The following TTN variants were observed in gnomAD, a reference collection of about 807,000 sequenced individuals.
The protein encoded by TTN is connectin.
A neutral mutation model predicts 3,223.0 loss-of-function variants in TTN; 1,525 were observed. The ratio of observed to expected loss-of-function variants is 0.47; its 90% CI spans 0.45 to 0.49. TTN has a LOEUF of 0.49. TTN is among the 20% of genes least tolerant of loss of function. TTN has a pLI of 0.00. For synonymous variants in TTN, 14,094 were observed against 15,161.0 expected, an observed-to-expected ratio of 0.93 and a Z score of 5.17; for missense variants, 40,786 against 43,424.0, an observed-to-expected ratio of 0.94 and a Z score of 5.40.
At position 178,775,804 on chromosome 2, in the gene TTN, A is replaced by G. The variant is rs2092154030; in HGVS notation, c.6060T>C (p.Ser2020=). The stretch of plus-strand genomic sequence containing the variant: ...CCTCATAGGATTCATCCTTCTTTCG[A>G]GACTTGAGCTCCACAGCGGTAATGG... ...YEAITAVELK[S]RKKDESYEEL... is the part of the protein sequence containing the mutation. Residue 2020 remains serine, a synonymous_variant, in exon 28 of 363, where the codon TCT becomes TCC. Transcript: ENST00000589042. The G allele has an allele frequency of 6.2e-7, 1 of 1,613,304 alleles. No individual in the cohort carries two copies. Among genetic ancestry groups the G allele is most frequent in the Admixed American group, 1.7e-5 (1 of 59,842 alleles).
Position 178,561,745 on chromosome 2 carries a change from A to G in TTN, c.84387T>C (p.Val28129=), listed in dbSNP as rs772032956. The G allele has an allele frequency of 6.2e-7, 1 of 1,613,178 alleles. No homozygotes were observed. The highest frequency in any genetic ancestry group is 2.2e-5 in the East Asian group (1 of 44,770). Residue 28129 remains valine (V), a synonymous_variant, in exon 326 of 363, where the codon GTT becomes GTC. Transcript: ENST00000589042. ...LTTGSEYQFR[V]CAENRYGKSS... ...TCTTTCCATAGCGGTTTTCTGCACA[A>G]ACACGGAACTGATACTCACTTCCTG...
In TTN at chr2:178,531,197, C is replaced by T. The variant is rs371893623; in HGVS notation, c.105418G>A (p.Val35140Ile). 4.5e-5 allele frequency: 73 copies of T among 1,613,858 alleles called. No homozygotes were observed. Among genetic ancestry groups the T allele is most frequent in the African/African-American group, 1.1e-4 (8 of 74,908 alleles). ...RILTKPRSMT[V>I]YEGESARFSC... ...AACCTTGCAGACTCGCCCTCGTAGA[C>T]GGTCATGGACCGTGGCTTTGTTAGA... The change falls in exon 358 of 363, where the codon GTC becomes ATC. Residue 35140 changes from valine to isoleucine, a missense_variant. By Grantham distance (29) the Val-to-Ile change is conservative (BLOSUM62 3). Coordinates refer to ENST00000589042, the MANE Select transcript of TTN (RefSeq NM_001267550.2).
chr2:178,528,923 T>C lies in TTN; in HGVS notation c.106828A>G (p.Lys35610Glu), dbSNP rs753984036. Residue 35610 changes from lysine to glutamate, a missense_variant, in exon 360 of 363, where the codon AAA (lysine) becomes GAA (glutamate). Transcript: ENST00000589042. ...ATGCTCATCTGAGTAGAAAATGCTT[T>C]AATCTCAGCATGAGTTCTGACTTCT... ...SEEVRTHAEIKAFSTQMSINE... is the reference protein window; with the variant it reads ...SEEVRTHAEIEAFSTQMSINE... 3.5e-5 allele frequency: 57 copies of C among 1,613,926 alleles called. No homozygotes were observed. The highest frequency in any genetic ancestry group is 4.7e-5 in the Non-Finnish European group (55 of 1,179,894).
At position 178,568,661 on chromosome 2, in the gene TTN, C is replaced by A. The variant is rs376051922; in HGVS notation, c.77471G>T (p.Arg25824Leu). Reference protein sequence around the residue: ...DLKIEVPISGRPKPTITWTKD... With the variant: ...DLKIEVPISGLPKPTITWTKD... ...AGTCCAGGTAATGGTTGGCTTAGGA[C>A]GTCCAGAAATTGGCACTTCTATTTT... The change falls in exon 326 of 363, where the codon CGT becomes CTT. Residue 25824 changes from arginine (R) to leucine (L), a missense_variant. Transcript: ENST00000589042. 1.2e-6 allele frequency: 2 copies of A among 1,613,214 alleles called. No individual in the cohort carries two copies. Among genetic ancestry groups the A allele is most frequent in the Non-Finnish European group, 8.5e-7 (1 of 1,179,558 alleles).
At position 178,773,519 on chromosome 2, in the gene TTN, C is replaced by G. The variant is rs150208472; in HGVS notation, c.7537G>C (p.Gly2513Arg). ...CTGCCAACTATCAGCTTGTAAGGTC[C>G]TTCGTCTGAAGCATGAGTTCGGTTA... ...VINRTHASDE[G>R]PYKLIVGRVE... The change falls in exon 32 of 363, where the codon GGA becomes CGA. Residue 2513 changes from glycine to arginine, a missense_variant. Coordinates refer to ENST00000589042, the MANE Select transcript of TTN (RefSeq NM_001267550.2). The G allele has an allele frequency of 1.2e-6, 2 of 1,614,010 alleles. No homozygotes were observed. Among genetic ancestry groups the G allele is most frequent in the Non-Finnish European group, 1.7e-6 (2 of 1,179,964 alleles).
At chr2:178,646,453 T>C in intron 216 of TTN, 32 bp downstream of exon 216, 1 of 1,418,842 alleles carries the variant, frequency 7.0e-7, no homozygotes. Flanking sequence ...AAGAATATGA[T>C]AAAGAAGATT....
In TTN at chr2:178,590,491, T is replaced by G. The variant is rs1465889294; in HGVS notation, c.61234A>C (p.Lys20412Gln). The G allele has an allele frequency of 1.2e-6, 2 of 1,613,080 alleles. No homozygotes were observed. The highest frequency in any genetic ancestry group is 3.3e-5 in the Admixed American group (2 of 59,938). The change falls in exon 304 of 363, where the codon AAA (lysine) becomes CAA (glutamine). Residue 20412 changes from lysine (K) to glutamine (Q), a missense_variant. Coordinates refer to ENST00000589042, the MANE Select transcript of TTN (RefSeq NM_001267550.2). ...PILGYVVECQ[K>Q]PGTAQWNRIN... is the part of the protein sequence containing the mutation. ...CTGTTCCATTGTGCTGTGCCAGGTT[T>G]CTGACATTCCACTACATATCCTAGA...
chr2:178,748,772 A>G (rs747310954), intron 47 of TTN: 1 of 1,612,406 alleles, frequency 6.2e-7, no homozygotes, highest in Non-Finnish European at 8.5e-7. Flanking sequence ...TTGTGCGTCA[A>G]ATTCTTTATG....
At chr2:178,684,833 A>T (rs960318748) in intron 130 of TTN, 73 bp downstream of exon 130, 1 of 1,546,334 alleles carries the variant, frequency 6.5e-7, no homozygotes, top group Non-Finnish European at 8.8e-7. Flanking sequence ...GTTAATGTTT[A>T]AAAAATCTGA....
chr2:178,584,012 G>C, intron 311 of TTN, 106 bp from the exon 312 acceptor site: 1 of 1,256,692 alleles, frequency 8.0e-7, no homozygotes, highest in Non-Finnish European at 1.1e-6. Context: ...TCAACAGGAA[G>C]ACAATTATCC....
chr2:178,669,455 G>T lies in TTN; in HGVS notation c.35471-8C>A. 6.5e-7 allele frequency: 1 copy of T among 1,547,526 alleles called. No individual in the cohort carries two copies. Among genetic ancestry groups the T allele is most frequent in the Non-Finnish European group, 8.6e-7 (1 of 1,156,636 alleles). On this transcript the variant is annotated splice_region_variant and splice_polypyrimidine_tract_variant and intron_variant, in intron 158 of 362. Coordinates refer to ENST00000589042, the MANE Select transcript of TTN (RefSeq NM_001267550.2). The stretch of plus-strand genomic sequence containing the variant: ...TCTTAGGCATCCCAGGAACTTTAAA[G>T]ATATTAGTATATTAATTGTTACAGA...
rs1182463966 is a variant in TTN at position 178,597,533 on chromosome 2, T to C, written c.57544+5A>G. On this transcript the variant is annotated splice_donor_5th_base_variant and intron_variant, in intron 294 of 362. Transcript: ENST00000589042. The stretch of plus-strand genomic sequence containing the variant: ...AAGTTGCACAGACAAATTGAAAGTA[T>C]TTACCTAATACATCAACAATAATTG... 1.2e-6 allele frequency: 2 copies of C among 1,608,160 alleles called. No individual in the cohort carries two copies. Among genetic ancestry groups the C allele is most frequent in the Non-Finnish European group, 1.7e-6 (2 of 1,177,352 alleles).
intron 134 of TTN, 126 bp from the exon 135 acceptor site, chr2:178,683,029 A>G: frequency 9.2e-7 from 1 of 1,088,814 alleles, no homozygotes; most frequent in Non-Finnish European, 1.3e-6. Flanking sequence ...GGAGACCCTG[A>G]CTGTTCTTTT....
chr2:178,786,932 T>A (rs926093019), intron 13 of TTN, among the ~76,000 whole-genome samples: 3 of 152,140 alleles, frequency 2.0e-5, no homozygotes, highest in African/African-American at 7.2e-5. Context: ...TGATGAACAT[T>A]AATGGAAATA....
In TTN at chr2:178,741,423, G is replaced by A; in HGVS notation, c.11810C>T (p.Pro3937Leu). The A allele has an allele frequency of 6.2e-7, 1 of 1,613,870 alleles. No individual in the cohort carries two copies. The highest frequency in any genetic ancestry group is 8.5e-7 in the Non-Finnish European group (1 of 1,179,834). ...TTTTAACTCCTTAAGGAAGTGAGGA[G>A]GACAAGGACCTCCCAGCTTTTCCAG... is the stretch of plus-strand genomic sequence containing the variant. ...KSLEKLGGPC[P>L]PHFLKELKPI... is the part of the protein sequence containing the mutation. Residue 3937 changes from proline (P) to leucine (L), a missense_variant, in exon 48 of 363, where the codon CCT becomes CTT. Physicochemically the swap from Pro to Leu is moderately conservative, Grantham distance 98. Coordinates refer to ENST00000589042, the MANE Select transcript of TTN (RefSeq NM_001267550.2).
chr2:178,691,842 G>C (rs994854145), intron 121 of TTN, among the ~76,000 whole-genome samples, 174 bp downstream of exon 121: 1 of 152,104 alleles, frequency 6.6e-6, no homozygotes, highest in African/African-American at 2.4e-5. Context: ...GGAATATTCA[G>C]TATAATAAAT....
At position 178,665,395 on chromosome 2, in the gene TTN, C is replaced by T; in HGVS notation, c.36025G>A (p.Glu12009Lys). ...KIFEDVPEEPETPRMKTPEAP... is the reference protein window; with the variant it reads ...KIFEDVPEEPKTPRMKTPEAP... ...AACGTACTTTTCATACGTGGAGTTTCTGGCTCTTCAGGTACATCCTCAAAT... is the reference window on the plus strand; with the variant it reads ...AACGTACTTTTCATACGTGGAGTTTTTGGCTCTTCAGGTACATCCTCAAAT... Residue 12009 changes from glutamate (E) to lysine (K), a missense_variant, in exon 165 of 363, where the codon GAA becomes AAA. Coordinates refer to ENST00000589042, the MANE Select transcript of TTN (RefSeq NM_001267550.2). 6.2e-7 allele frequency: 1 copy of T among 1,612,430 alleles called. No individual in the cohort carries two copies. Among genetic ancestry groups the T allele is most frequent in the South Asian group, 1.1e-5 (1 of 91,068 alleles).
chr2:178,717,936 C>T lies in TTN; in HGVS notation c.25063+7G>A, dbSNP rs767122465. On this transcript the variant is annotated splice_region_variant and intron_variant, in intron 86 of 362. Transcript: ENST00000589042. ...TTCACACACACTAGGTTAAACAACA[C>T]CATCACCTTTGATAACAAGCACAGC... 1.9e-6 allele frequency: 3 copies of T among 1,609,114 alleles called. No homozygotes were observed. The East Asian group carries it at 6.7e-5, about 36-fold the overall frequency.
At position 178,774,315 on chromosome 2, in the gene TTN, G is replaced by A. The variant is rs750101152; in HGVS notation, c.6949C>T (p.Arg2317Cys). The part of the protein sequence containing the change: ...KSNGKYTITS[R>C]RGRQNLTVKD... ...ACCGTGAGGTTCTGACGTCCACGAC[G>A]AGATGTAATTGTATATTTGCCATTG... The change falls in exon 30 of 363, where the codon CGT becomes TGT. Residue 2317 changes from arginine to cysteine, a missense_variant. Physicochemically the swap from Arg to Cys is radical, Grantham distance 180. Transcript: ENST00000589042. 2.4e-5 allele frequency: 38 copies of A among 1,613,946 alleles called. No homozygotes were observed. The highest frequency in any genetic ancestry group is 1.6e-4 in the Middle Eastern group (1 of 6,084).
Sources: gnomAD v4.1 joint callset for allele counts (sites outside exome capture counted in the v4.1 genomes callset) on GRCh38, gnomAD v4.1.1 for gene constraint, MANE v1.5 for transcripts, NCBI Gene and HGNC (gene_info 2026-07-23, HGNC 2026-07-21) for gene names.